Variants in ZFYVE9 observed in about 807,000 individuals in gnomAD.
ZFYVE9 encodes the protein zinc finger FYVE-type containing 9.
In ZFYVE9, 43 loss-of-function variants were observed where a neutral mutation model predicts 126.7. The observed-to-expected ratio is 0.34, with a 90% CI of 0.27 to 0.44. The LOEUF (loss-of-function observed/expected upper bound fraction) is 0.44. Among genes scored for constraint, ZFYVE9 ranks in the 20% least tolerant of loss-of-function variants. The pLI is 1.00. For synonymous variants in ZFYVE9, 521 were observed against 597.4 expected, an observed-to-expected ratio of 0.87 and a Z score of 1.87; for missense variants, 1,476 against 1,697.0, an observed-to-expected ratio of 0.87 and a Z score of 2.29.
At chr1:52,337,973 A>G (rs1646403971) in intron 16 of ZFYVE9, 39 bp downstream of exon 16, 1 of 1,598,538 alleles carries the variant, frequency 6.3e-7, no homozygotes, top group Non-Finnish European at 8.5e-7. Flanking sequence ...GCTTTTAGTT[A>G]TAGGTTAGGC....
intron 1 of ZFYVE9, among the ~76,000 whole-genome samples, chr1:52,176,344 C>T (rs537367331): frequency 1.7e-4 from 26 of 152,288 alleles, no homozygotes; most frequent in Non-Finnish European, 3.2e-4. Flanking sequence ...GCTGCCTGAT[C>T]GTTCCTCTGG....
At position 52,334,776 on chromosome 1, in the gene ZFYVE9, A is replaced by G; in HGVS notation, c.3670+8A>G. The G allele has an allele frequency of 1.9e-6, 3 of 1,613,578 alleles. No individual in the cohort carries two copies. The highest frequency in any genetic ancestry group is 8.5e-7 in the Non-Finnish European group (1 of 1,179,584). The stretch of plus-strand genomic sequence containing the variant: ...AGTCCAGTATTGTGGAAGGTAAAGA[A>G]TGAATTGTTCAGTCCTCATAATAAG... On this transcript the variant is annotated splice_region_variant and intron_variant, in intron 15 of 18. Coordinates refer to ENST00000287727, the MANE Select transcript of ZFYVE9 (RefSeq NM_004799.4).
At chr1:52,251,864 C>T (rs1645450753) in intron 4 of ZFYVE9, among the ~76,000 whole-genome samples, 1 of 152,076 alleles carries the variant, frequency 6.6e-6, no homozygotes, top group African/African-American at 2.4e-5. Context: ...TCAGTCTCCC[C>T]ACTAGTTATA....
intron 1 of ZFYVE9, among the ~76,000 whole-genome samples, chr1:52,163,220 C>T (rs1172814149): frequency 1.3e-5 from 2 of 152,196 alleles, no homozygotes; most frequent in Non-Finnish European, 2.9e-5. Flanking sequence ...TTTCCATTAG[C>T]CTTCTTTTAC....
At chr1:52,226,351 C>T (rs149525075) in intron 2 of ZFYVE9, among the ~76,000 whole-genome samples, 2,703 of 152,200 alleles carry the variant, frequency 0.018, 40 homozygotes, top group Non-Finnish European at 0.029. Context: ...GCCTGGCCAA[C>T]GTGGTGAAAC....
intron 1 of ZFYVE9, among the ~76,000 whole-genome samples, chr1:52,208,110 C>A (rs1042938124): frequency 2.0e-5 from 3 of 152,146 alleles, no homozygotes; most frequent in African/African-American, 7.2e-5. Context: ...TGCTTGATCC[C>A]AGGAGTTCCA....
chr1:52,343,075 TTTTTTTG>T (rs1421774473), intron 17 of ZFYVE9, among the ~76,000 whole-genome samples: 5 of 151,700 alleles, frequency 3.3e-5, no homozygotes, highest in South Asian at 2.1e-4. Context: ...CCCGGCTAAT[TTTTTTTG>T]TTTTTTGTTT....
chr1:52,159,890 G>T (rs2124509267), intron 1 of ZFYVE9, among the ~76,000 whole-genome samples: 1 of 151,938 alleles, frequency 6.6e-6, no homozygotes, highest in South Asian at 2.1e-4. Context: ...CCGCCTCCCA[G>T]GTTCACGCTG....
intron 13 of ZFYVE9, among the ~76,000 whole-genome samples, chr1:52,312,736 T>C (rs918026116): frequency 1.3e-5 from 2 of 152,228 alleles, no homozygotes; most frequent in Non-Finnish European, 2.9e-5. Flanking sequence ...GTTATGGCTA[T>C]CTATCAGGGG....
chr1:52,334,486 G>C (rs749225160), intron 14 of ZFYVE9, among the ~76,000 whole-genome samples: 1 of 152,212 alleles, frequency 6.6e-6, no homozygotes, highest in South Asian at 2.1e-4. Context: ...AAATGGGGGA[G>C]TGTATCTTAA....
chr1:52,184,909 C>T, intron 1 of ZFYVE9, among the ~76,000 whole-genome samples: 1 of 152,082 alleles, frequency 6.6e-6, no homozygotes, highest in Non-Finnish European at 1.5e-5. Context: ...AATCCCAGCA[C>T]TTTGGGAGGA....
chr1:52,151,556 T>A (rs537712101), intron 1 of ZFYVE9, among the ~76,000 whole-genome samples: 1 of 151,216 alleles, frequency 6.6e-6, no homozygotes, highest in Non-Finnish European at 1.5e-5. Context: ...CGCTCTGTCA[T>A]CCAGGCTGGA....
intron 1 of ZFYVE9, among the ~76,000 whole-genome samples, chr1:52,210,987 G>A (rs753962069): frequency 3.9e-5 from 6 of 152,118 alleles, no homozygotes; most frequent in Admixed American, 2.0e-4. Context: ...TCATGCAGTT[G>A]TAGTCAGACA....
intron 1 of ZFYVE9, among the ~76,000 whole-genome samples, chr1:52,143,885 G>T (rs1394339202): frequency 1.3e-5 from 2 of 152,210 alleles, no homozygotes; most frequent in Non-Finnish European, 2.9e-5. Context: ...CTGTAGCCTT[G>T]CATTGTTTTT....
Position 52,238,169 on chromosome 1 carries a change from G to T in ZFYVE9, c.752G>T (p.Ser251Ile), listed in dbSNP as rs778263444. The change falls in exon 4 of 19, where the codon AGT (serine) becomes ATT (isoleucine). Residue 251 changes from serine (S) to isoleucine (I), a missense_variant. By Grantham distance (142) the Ser-to-Ile change is moderately radical. Transcript: ENST00000287727. ...CCTTCACAATTAAAGGATGACGGAAGTATAGGTAGAGACCCCTCCATGTCT... is the reference window on the plus strand; with the variant it reads ...CCTTCACAATTAAAGGATGACGGAATTATAGGTAGAGACCCCTCCATGTCT... ...CSPSQLKDDG[S>I]IGRDPSMSAI... 4 of 1,614,004 alleles carry T rather than the reference G, an allele frequency of 2.5e-6. No individual in the cohort carries two copies. In the African/African-American group the frequency reaches 5.3e-5, roughly 22 times the overall value.
chr1:52,237,537 A>T lies in ZFYVE9; in HGVS notation c.120A>T (p.Leu40=), dbSNP rs1645284316. The T allele has an allele frequency of 6.2e-7, 1 of 1,613,744 alleles. No homozygotes were observed. Among genetic ancestry groups the T allele is most frequent in the South Asian group, 1.1e-5 (1 of 91,048 alleles). ...TGGATACAAAGTGGAATAAGATTCT[A>T]GATCCCCCTTCTCACCGGCTGTCAT... ...TLLDTKWNKI[L]DPPSHRLSFN... Residue 40 remains leucine, a synonymous_variant, in exon 4 of 19, where the codon CTA becomes CTT. Transcript: ENST00000287727.
intron 1 of ZFYVE9, among the ~76,000 whole-genome samples, chr1:52,145,464 G>T (rs1392008994): frequency 6.6e-6 from 1 of 152,148 alleles, no homozygotes; most frequent in Non-Finnish European, 1.5e-5. Flanking sequence ...TGTGTTTTAT[G>T]GTTGTTAATT....
chr1:52,242,657 C>T (rs537177434), intron 4 of ZFYVE9, among the ~76,000 whole-genome samples: 1 of 151,980 alleles, frequency 6.6e-6, no homozygotes, highest in South Asian at 2.1e-4. Flanking sequence ...ATTGTTCCTA[C>T]TTAAGAACAG....
In ZFYVE9 at chr1:52,332,666, C is replaced by T. The variant is rs187886582; in HGVS notation, c.3439-102C>T. On this transcript the variant is annotated intron_variant, in intron 13 of 18. Transcript: ENST00000287727. The stretch of plus-strand genomic sequence containing the variant: ...GGTGGCCCTTTTTGTCACTTTAATA[C>T]GTAATATTCTGTTAGTTTTGTTTTT... The T allele has an allele frequency of 1.4e-4, 192 of 1,361,890 alleles. 1 individual carries two copies. The East Asian group carries it at 1.6e-3, about 11-fold the overall frequency. 84.4% of individuals were successfully genotyped at this position (1,361,890 alleles called of 1,614,324 possible). A position where few individuals can be genotyped will look rare whatever the true frequency, so the allele number is the denominator to read the frequency against.
Sources: allele counts gnomAD v4.1 joint callset (sites outside exome capture counted in the v4.1 genomes callset), GRCh38; gene constraint gnomAD v4.1.1; transcripts MANE v1.5; gene names NCBI Gene and HGNC (gene_info 2026-07-23, HGNC 2026-07-21).